The following RBM20 variants were observed in gnomAD, a reference collection of about 807,000 sequenced individuals.
The protein encoded by RBM20 is RNA binding motif protein 20, also known as RNA-binding protein 20.
In RBM20, 51 loss-of-function variants were observed where a neutral mutation model predicts 110.1. The ratio of observed to expected loss-of-function variants is 0.46; its 90% CI spans 0.37 to 0.59. RBM20 has a LOEUF of 0.59. Ranked by LOEUF, RBM20 falls within the 20% of genes least tolerant of loss-of-function variation. The pLI is 0.00. For missense variants in RBM20, 1,512 were observed against 1,574.9 expected (o/e 0.96, Z 0.68); for synonymous variants, 589 against 618.2 (o/e 0.95, Z 0.70).
chr10:110,835,723 G>GCTACA, intron 13 of RBM20, 145 bp from the exon 14 acceptor site: 1 of 659,794 alleles, frequency 1.5e-6, no homozygotes, highest in South Asian at 2.4e-5. Context: ...GCCCCAGTGG[G>GCTACA]GATCTCTGAA....
intron 7 of RBM20, among the ~76,000 whole-genome samples, chr10:110,803,128 T>C (rs1431728007): frequency 2.0e-5 from 3 of 152,268 alleles, no homozygotes; most frequent in Middle Eastern, 3.4e-3. Flanking sequence ...GGCAAAGAAG[T>C]TTACATACAT....
At chr10:110,824,560 A>G (rs1844959624) in intron 12 of RBM20, among the ~76,000 whole-genome samples, 1 of 152,012 alleles carries the variant, frequency 6.6e-6, no homozygotes, top group Non-Finnish European at 1.5e-5. Context: ...CGATTTTTTC[A>G]ATGGTGGAAG....
intron 12 of RBM20, among the ~76,000 whole-genome samples, chr10:110,825,679 A>G (rs1195629755): frequency 6.6e-6 from 1 of 152,258 alleles, no homozygotes; most frequent in African/African-American, 2.4e-5. Context: ...AAGCTATGCT[A>G]TAAATGACTG....
At chr10:110,823,648 G>A (rs1844946144) in intron 12 of RBM20, 34 bp downstream of exon 12, 4 of 1,549,398 alleles carry the variant, frequency 2.6e-6, no homozygotes, top group Non-Finnish European at 2.6e-6. Flanking sequence ...CTGAAATTCA[G>A]GTCTAGGAAA....
chr10:110,779,530 A>G (rs1844309884), intron 1 of RBM20, among the ~76,000 whole-genome samples: 1 of 152,230 alleles, frequency 6.6e-6, no homozygotes, highest in Admixed American at 6.5e-5. Flanking sequence ...TCTCTAGCAA[A>G]TTAGTCTAAT....
Position 110,739,359 on chromosome 10 carries a change from G to A in RBM20, c.192-41442G>A, listed in dbSNP as rs1301030680. ...ACTCTGGGTTACTGTGTCTCGCACT[G>A]TCCTGGACACTAGGGATTCAGCAGT... On this transcript the variant is annotated intron_variant, in intron 1 of 13. Coordinates refer to ENST00000369519, the MANE Select transcript of RBM20 (RefSeq NM_001134363.3). The surrounding 1 kb of genome is among the most constrained non-coding windows in gnomAD (Gnocchi z 4.1). 2.0e-5 allele frequency among the ~76,000 whole-genome samples: 3 copies of A among 152,144 alleles called. No individual in the cohort carries two copies. The highest frequency in any genetic ancestry group is 7.2e-5 in the African/African-American group (3 of 41,418).
chr10:110,703,680 G>A (rs903210147), intron 1 of RBM20, among the ~76,000 whole-genome samples: 1 of 152,192 alleles, frequency 6.6e-6, no homozygotes, highest in Non-Finnish European at 1.5e-5. Flanking sequence ...CTACAGTCGA[G>A]ATACTAAATA....
intron 1 of RBM20, among the ~76,000 whole-genome samples, chr10:110,734,618 C>CGTTT (rs34824300): frequency 6.6e-5 from 9 of 136,532 alleles, no homozygotes; most frequent in Non-Finnish European, 7.9e-5. Flanking sequence ...AAAATTCCCT[C>CGTTT]TTTTTTTTTT....
chr10:110,681,236 A>G (rs1862419650), intron 1 of RBM20, among the ~76,000 whole-genome samples: 2 of 152,154 alleles, frequency 1.3e-5, no homozygotes, highest in Non-Finnish European at 2.9e-5. Flanking sequence ...CTGCTGTTAG[A>G]CCACGTCTCC....
In RBM20 at chr10:110,783,369, T is replaced by TGGGAGCTGCATGTGAAAG; in HGVS notation, c.1282_1299dup (p.Glu428_Gly433dup). 1 of 1,551,076 alleles carries TGGGAGCTGCATGTGAAAG rather than the reference T, an allele frequency of 6.4e-7. No homozygotes were observed. The highest frequency in any genetic ancestry group is 1.4e-5 in the African/African-American group (1 of 73,124). ...CTTTTCTTTCCTTCTGACCTAGGAC[T>TGGGAGCTGCATGTGAAAG]GGGAGCTGCATGTGAAAGGGAAGCT... On this transcript the variant is annotated inframe_insertion, in exon 3 of 14. Transcript: ENST00000369519.
chr10:110,654,855 A>G (rs1299256739), intron 1 of RBM20, among the ~76,000 whole-genome samples: 1 of 152,180 alleles, frequency 6.6e-6, no homozygotes, highest in Non-Finnish European at 1.5e-5. Context: ...AGTAATAATA[A>G]AGTGAATAAC....
chr10:110,797,672 A>G lies in RBM20; in HGVS notation c.1668+24A>G, dbSNP rs959799816. 3.9e-6 allele frequency: 6 copies of G among 1,549,552 alleles called. No homozygotes were observed. In the South Asian group the frequency reaches 4.8e-5, roughly 12 times the overall value. On this transcript the variant is annotated intron_variant, in intron 6 of 13. Transcript: ENST00000369519. ...AGGTAGGTCTGGGTACTTTCACTCCAGTGTATATGCCACAGACCACACATT... is the reference window on the plus strand; with the variant it reads ...AGGTAGGTCTGGGTACTTTCACTCCGGTGTATATGCCACAGACCACACATT...
At position 110,799,692 on chromosome 10, in the gene RBM20, C is replaced by G. The variant is rs192684053; in HGVS notation, c.1669-95C>G. 10 of 1,284,530 alleles carry G rather than the reference C, an allele frequency of 7.8e-6. No individual in the cohort carries two copies. The South Asian group carries it at 1.5e-4, about 19-fold the overall frequency. 79.6% of individuals were successfully genotyped at this position (1,284,530 alleles called of 1,614,324 possible). Reference sequence around the variant, plus strand: ...TCACCGTTGATTAGTTTTGCCTGTTCTTGAACTTCATAGACGTGGAATCAT... The same window carrying G: ...TCACCGTTGATTAGTTTTGCCTGTTGTTGAACTTCATAGACGTGGAATCAT... On this transcript the variant is annotated intron_variant, in intron 6 of 13. Coordinates refer to ENST00000369519, the MANE Select transcript of RBM20 (RefSeq NM_001134363.3).
At chr10:110,740,960 A>C (rs1590647594) in intron 1 of RBM20, among the ~76,000 whole-genome samples, 1 of 152,166 alleles carries the variant, frequency 6.6e-6, no homozygotes, top group East Asian at 1.9e-4. Context: ...CCTGGGCTTC[A>C]GAGCCTTCTC....
At chr10:110,715,979 C>T (rs1206249137) in intron 1 of RBM20, among the ~76,000 whole-genome samples, 3 of 152,228 alleles carry the variant, frequency 2.0e-5, no homozygotes, top group Non-Finnish European at 4.4e-5. Flanking sequence ...CTAGAAGTCT[C>T]TCCACAAGCT....
At position 110,794,970 on chromosome 10, in the gene RBM20, C is replaced by G. The variant is rs570367191; in HGVS notation, c.1528-2538C>G. Among the ~76,000 whole-genome samples, 29 of 152,336 alleles carry G rather than the reference C, an allele frequency of 1.9e-4. No homozygotes were observed. The South Asian group carries it at 5.4e-3, about 28-fold the overall frequency. Reference sequence around the variant, plus strand: ...ATGAGAGAGGCACTGGCCCTCATGCCTGTTCACTAGGCAACTGGATAGGCC... The same window carrying G: ...ATGAGAGAGGCACTGGCCCTCATGCGTGTTCACTAGGCAACTGGATAGGCC... On this transcript the variant is annotated intron_variant, in intron 5 of 13. Transcript: ENST00000369519.
chr10:110,654,298 T>C (rs1176630603), intron 1 of RBM20, among the ~76,000 whole-genome samples: 1 of 152,236 alleles, frequency 6.6e-6, no homozygotes, highest in Non-Finnish European at 1.5e-5. Context: ...TATCACCCCA[T>C]AGATATTATC....
intron 1 of RBM20, among the ~76,000 whole-genome samples, chr10:110,714,593 G>C (rs1387621658): frequency 1.3e-5 from 2 of 152,244 alleles, no homozygotes; most frequent in African/African-American, 2.4e-5. Context: ...GCTGTCAGCT[G>C]TCAGGAGGAG....
In RBM20 at chr10:110,697,993, C is replaced by T. The variant is rs574111293; in HGVS notation, c.191+53348C>T. 2.8e-4 allele frequency among the ~76,000 whole-genome samples: 43 copies of T among 151,832 alleles called. No individual in the cohort carries two copies. In the East Asian group the frequency reaches 7.0e-3, roughly 25 times the overall value. ...TGCGATGTCGGCTCACTGCAAGCTC[C>T]ACCTCCCGGCTTCACGCCATTCTCC... On this transcript the variant is annotated intron_variant, in intron 1 of 13. Coordinates refer to ENST00000369519, the MANE Select transcript of RBM20 (RefSeq NM_001134363.3).
Sources: allele counts gnomAD v4.1 joint callset (sites outside exome capture counted in the v4.1 genomes callset), GRCh38; gene constraint gnomAD v4.1.1; non-coding constraint Gnocchi (gnomAD v3.1); transcripts MANE v1.5; gene names NCBI Gene and HGNC (gene_info 2026-07-23, HGNC 2026-07-21).